ALX1: variants seen among roughly 807,000 people sequenced by gnomAD.
ALX1 encodes the protein ALX homeobox 1.
ALX1 carries 19 observed loss-of-function variants against 31.7 expected under a neutral mutation model. That is an observed-to-expected ratio of 0.60 (90% CI 0.42 to 0.88). The LOEUF (loss-of-function observed/expected upper bound fraction) is 0.88, where lower values mean the gene tolerates loss of function less well. ALX1 is among the 40% of genes least tolerant of loss of function. The pLI, the probability that ALX1 is intolerant of heterozygous loss-of-function variation, is 0.00. For missense variants in ALX1, 415 were observed against 407.8 expected, an observed-to-expected ratio of 1.02 and a Z score of -0.15; for synonymous variants, 153 against 148.8, an observed-to-expected ratio of 1.03 and a Z score of -0.20.
intron 1 of ALX1, among the ~76,000 whole-genome samples, chr12:85,283,091 C>T (rs182905451): frequency 1.8e-4 from 27 of 152,140 alleles, no homozygotes; most frequent in African/African-American, 6.5e-4. Flanking sequence ...GTACGTTTTA[C>T]GTGGAGGAGG....
chr12:85,286,374 G>A (rs1181621603), intron 2 of ALX1, among the ~76,000 whole-genome samples: 2 of 151,884 alleles, frequency 1.3e-5, no homozygotes, highest in Non-Finnish European at 2.9e-5. Context: ...GAGCACAACT[G>A]AGAAGAGCTT....
At chr12:85,285,245 T>G (rs1896734216) in intron 2 of ALX1, among the ~76,000 whole-genome samples, 1 of 152,220 alleles carries the variant, frequency 6.6e-6, no homozygotes. Flanking sequence ...TCTGAGAACA[T>G]GCACAGAGAG....
At chr12:85,295,731 G>A (rs1382432419) in intron 3 of ALX1, among the ~76,000 whole-genome samples, 3 of 151,492 alleles carry the variant, frequency 2.0e-5, no homozygotes, top group Non-Finnish European at 3.0e-5. Context: ...GTGTGCAGAC[G>A]TATGGGTATG....
chr12:85,288,475 G>A (rs182001444), intron 3 of ALX1, among the ~76,000 whole-genome samples: 4 of 151,532 alleles, frequency 2.6e-5, no homozygotes, highest in Admixed American at 2.0e-4. Flanking sequence ...TGCCTTAGTT[G>A]AGTCAGTGTG....
chr12:85,288,374 T>C (rs1015575593), intron 3 of ALX1, among the ~76,000 whole-genome samples: 1 of 151,600 alleles, frequency 6.6e-6, no homozygotes, highest in East Asian at 1.9e-4. Context: ...GGTTACCTTA[T>C]GTTTTCTCCT....
rs115409839 is a variant in ALX1, at chr12:85,286,951, A to T, written c.630A>T (p.Ser210=). 2,282 of 1,612,246 alleles carry T rather than the reference A, an allele frequency of 1.4e-3. 36 individuals are homozygous for T. The African/African-American group carries it at 0.026, about 19-fold the overall frequency. The change falls in exon 3 of 4, where the codon TCA becomes TCT. Residue 210 remains serine, a synonymous_variant. Transcript: ENST00000316824. Reference sequence around the variant, plus strand: ...ATTTTGCTGCCACCTATGATATATCAGTTTTGCCAAGGACTGACAGCTACC... The same window carrying T: ...ATTTTGCTGCCACCTATGATATATCTGTTTTGCCAAGGACTGACAGCTACC... ...KSHFAATYDI[S]VLPRTDSYPQ... is the part of the protein sequence containing the mutation.
In ALX1 at chr12:85,298,564, A is replaced by T. The variant is rs1383505057; in HGVS notation, c.661-2591A>T. Among the ~76,000 whole-genome samples the T allele has an allele frequency of 9.2e-5, 14 of 151,798 alleles. 1 individual carries two copies. Among genetic ancestry groups the T allele is most frequent in the Admixed American group, 8.6e-4 (13 of 15,176 alleles). ...CAAATAAAGATTTGCTGGAAATTTA[A>T]AAAAGGAAAGATCAGCAGTGGTGCT... On this transcript the variant is annotated intron_variant, in intron 3 of 3. Transcript: ENST00000316824.
chr12:85,286,656 T>G (rs2137380040), intron 2 of ALX1, among the ~76,000 whole-genome samples, 197 bp from the exon 3 acceptor site: 1 of 152,024 alleles, frequency 6.6e-6, no homozygotes, highest in South Asian at 2.1e-4. Context: ...TAAATTATTT[T>G]GTCTCATGGG....
rs746891863 is a variant in ALX1 at position 85,301,477 on chromosome 12, A to T, written c.*2A>T. 1.2e-6 allele frequency: 2 copies of T among 1,613,452 alleles called. No homozygotes were observed. The highest frequency in any genetic ancestry group is 2.2e-5 in the South Asian group (2 of 91,080). ...GCCAATATTTCATGGGCCATGTAAC[A>T]TACAGTACTCTTTTATTTTTCTTTT... On this transcript the variant is annotated 3_prime_UTR_variant, in exon 4 of 4. Coordinates refer to ENST00000316824, the MANE Select transcript of ALX1 (RefSeq NM_006982.3).
chr12:85,280,515 C>T (rs575941794), intron 1 of ALX1, 28 bp downstream of exon 1: 2 of 1,604,088 alleles, frequency 1.2e-6, no homozygotes, highest in South Asian at 1.1e-5. Flanking sequence ...CAGCCGGAGC[C>T]GCCGCAGCCC....
chr12:85,290,721 C>T (rs368544539), intron 3 of ALX1, among the ~76,000 whole-genome samples: 85 of 151,022 alleles, frequency 5.6e-4, no homozygotes, highest in Middle Eastern at 3.4e-3. Flanking sequence ...TTTATTTTTC[C>T]TCAAGAGTTA....
chr12:85,281,591 T>A (rs1896674184), intron 1 of ALX1, among the ~76,000 whole-genome samples: 1 of 152,234 alleles, frequency 6.6e-6, no homozygotes, highest in Non-Finnish European at 1.5e-5. Flanking sequence ...AGTTTTTTTC[T>A]TTTATTAATC....
chr12:85,299,716 T>A (rs2137394889), intron 3 of ALX1, among the ~76,000 whole-genome samples: 1 of 152,030 alleles, frequency 6.6e-6, no homozygotes, highest in Admixed American at 6.6e-5. Flanking sequence ...AGTACCTTTT[T>A]ACCAGTGTGA....
In ALX1 at chr12:85,280,435, C is replaced by A; in HGVS notation, c.174C>A (p.Arg58=). The change falls in exon 1 of 4, where the codon CGC becomes CGA. Residue 58 remains arginine, a synonymous_variant. Transcript: ENST00000316824. ...TGCAGGCCTTCGGACCCCTGCCCCG[C>A]GCCGAGCATCACGTGCGCTTGGAGA... ...KCVQAFGPLP[R]AEHHVRLERT... 1.2e-6 allele frequency: 2 copies of A among 1,612,268 alleles called. No homozygotes were observed. Among genetic ancestry groups the A allele is most frequent in the Non-Finnish European group, 1.7e-6 (2 of 1,180,008 alleles).
chr12:85,295,249 G>A (rs1343793634), intron 3 of ALX1, among the ~76,000 whole-genome samples: 2 of 151,276 alleles, frequency 1.3e-5, no homozygotes, highest in African/African-American at 4.8e-5. Context: ...GCAACTTACT[G>A]ATGTAGTAAA....
intron 3 of ALX1, among the ~76,000 whole-genome samples, chr12:85,294,422 T>C (rs1259771980): frequency 6.6e-6 from 1 of 151,170 alleles, no homozygotes; most frequent in Non-Finnish European, 1.5e-5. Context: ...GTTACCATTT[T>C]ATTTCTTCCT....
intron 3 of ALX1, among the ~76,000 whole-genome samples, chr12:85,298,625 A>T (rs1896920582): frequency 6.6e-6 from 1 of 151,752 alleles, no homozygotes; most frequent in Non-Finnish European, 1.5e-5. Context: ...TGAAAACAAG[A>T]TAGATCAGTA....
chr12:85,282,867 G>A (rs535476263), intron 1 of ALX1, among the ~76,000 whole-genome samples: 6 of 151,050 alleles, frequency 4.0e-5, no homozygotes, highest in South Asian at 4.2e-4. Flanking sequence ...AATATGAAAT[G>A]TTTTAAAAAG....
intron 3 of ALX1, among the ~76,000 whole-genome samples, chr12:85,289,518 G>A (rs1480819847): frequency 6.6e-6 from 1 of 151,178 alleles, no homozygotes; most frequent in Non-Finnish European, 1.5e-5. Context: ...TCATGGGAAT[G>A]TTGCACTAAT....
Sources: gnomAD v4.1 joint callset for allele counts (sites outside exome capture counted in the v4.1 genomes callset) on GRCh38, gnomAD v4.1.1 for gene constraint, MANE v1.5 for transcripts, NCBI Gene and HGNC (gene_info 2026-07-23, HGNC 2026-07-21) for gene names.